The following PIP5K1B variants were observed in gnomAD, a reference collection of about 807,000 sequenced individuals.
PIP5K1B encodes phosphatidylinositol-4-phosphate 5-kinase type 1 beta, also known as phosphatidylinositol 4-phosphate 5-kinase type-1 beta.
Under a neutral mutation model 67.0 loss-of-function variants are expected in PIP5K1B, and 42 were observed. That is an observed-to-expected ratio of 0.63 (90% CI 0.49 to 0.81). The LOEUF (loss-of-function observed/expected upper bound fraction) is 0.81, where lower values mean the gene tolerates loss of function less well. PIP5K1B is among the 30% of genes least tolerant of loss of function. The pLI is 0.00. For synonymous variants in PIP5K1B, 214 were observed against 231.4 expected (o/e 0.92, Z 0.68); for missense variants, 459 against 646.3 (o/e 0.71, Z 3.14).
chr9:68,722,111 C>T (rs1032000625), intron 1 of PIP5K1B, among the ~76,000 whole-genome samples: 2 of 152,150 alleles, frequency 1.3e-5, no homozygotes, highest in Admixed American at 6.5e-5. Context: ...TTGTTCTCTG[C>T]TTATCTCTCC....
Position 68,962,616 on chromosome 9 carries a change from C to T in PIP5K1B, c.1502+21826C>T, listed in dbSNP as rs147514835. Among the ~76,000 whole-genome samples the T allele has an allele frequency of 1.1e-4, 17 of 152,258 alleles. 1 individual carries two copies. The highest frequency in any genetic ancestry group is 6.8e-3 in the Middle Eastern group (2 of 294). ...TTGATTTTAAGGGAGTCATTCAGTC[C>T]ATCTAGACTGAATTTGGAACTCAGA... is the stretch of plus-strand genomic sequence containing the variant. On this transcript the variant is annotated intron_variant, in intron 14 of 15. Coordinates refer to ENST00000265382, the MANE Select transcript of PIP5K1B (RefSeq NM_003558.4).
At chr9:68,721,201 A>G (rs1396418383) in intron 1 of PIP5K1B, among the ~76,000 whole-genome samples, 1 of 152,188 alleles carries the variant, frequency 6.6e-6, no homozygotes, top group Non-Finnish European at 1.5e-5. Context: ...TTGATGGAGA[A>G]GTGATGAGGT....
chr9:68,788,323 A>G lies in PIP5K1B; in HGVS notation c.-85-30138A>G. The G allele has an allele frequency of 7.2e-6, 6 of 837,664 alleles. No homozygotes were observed. In the South Asian group the frequency reaches 8.4e-5, roughly 12 times the overall value. 51.9% of individuals were successfully genotyped at this position (837,664 alleles called of 1,614,324 possible). Reference sequence around the variant, plus strand: ...ACTCTCCCTTCAGGTTCAAACTTGGAACTTTCTAGCTTTGGTCATGTATTT... The same window carrying G: ...ACTCTCCCTTCAGGTTCAAACTTGGGACTTTCTAGCTTTGGTCATGTATTT... On this transcript the variant is annotated intron_variant, in intron 2 of 15. Transcript: ENST00000265382.
At chr9:68,770,744 C>T (rs892792375) in intron 2 of PIP5K1B, among the ~76,000 whole-genome samples, 10 of 152,160 alleles carry the variant, frequency 6.6e-5, no homozygotes, top group African/African-American at 1.9e-4. Context: ...AGTAGAAGAT[C>T]CCCCTTCCAC....
At position 68,919,494 on chromosome 9, in the gene PIP5K1B, A is replaced by C. The variant is rs1490620066; in HGVS notation, c.999A>C (p.Pro333=). The change falls in exon 10 of 16, where the codon CCA becomes CCC. Residue 333 remains proline (P), a synonymous_variant. Coordinates refer to ENST00000265382, the MANE Select transcript of PIP5K1B (RefSeq NM_003558.4). ...TENPDTMGGI[P]AKSHRGEKLL... The stretch of plus-strand genomic sequence containing the variant: ...CCATCAACAGAATGGGAGGCATTCC[A>C]GCTAAAAGCCATAGGGGAGAAAAAC... The C allele has an allele frequency of 6.3e-7, 1 of 1,576,910 alleles. No individual in the cohort carries two copies. The highest frequency in any genetic ancestry group is 1.4e-5 in the African/African-American group (1 of 73,840).
At chr9:68,995,666 G>A (rs539028632) in intron 15 of PIP5K1B, among the ~76,000 whole-genome samples, 4 of 151,966 alleles carry the variant, frequency 2.6e-5, no homozygotes, top group East Asian at 3.9e-4. Context: ...TTAGCTAGGC[G>A]TGGTGGTGCA....
At chr9:68,952,768 T>C (rs917403302) in intron 14 of PIP5K1B, among the ~76,000 whole-genome samples, 2 of 152,144 alleles carry the variant, frequency 1.3e-5, no homozygotes, top group Admixed American at 6.5e-5. Flanking sequence ...TCTGATCTTC[T>C]GTAAATGGCT....
chr9:68,747,364 G>A (rs557600357), intron 2 of PIP5K1B, among the ~76,000 whole-genome samples: 8 of 151,600 alleles, frequency 5.3e-5, no homozygotes, highest in African/African-American at 1.9e-4. Context: ...CACCAATTTT[G>A]TTGGTTAGTT....
At chr9:68,926,536 T>G (rs1826710597) in intron 12 of PIP5K1B, among the ~76,000 whole-genome samples, 1 of 152,158 alleles carries the variant, frequency 6.6e-6, no homozygotes, top group African/African-American at 2.4e-5. Context: ...TTATTCACAG[T>G]TATGCAATCA....
At chr9:68,730,670 T>G (rs1828380136) in intron 1 of PIP5K1B, among the ~76,000 whole-genome samples, 1 of 152,166 alleles carries the variant, frequency 6.6e-6, no homozygotes, top group African/African-American at 2.4e-5. Context: ...CCAACAGAAG[T>G]CACTGTAGTG....
chr9:68,734,168 T>G lies in PIP5K1B; in HGVS notation c.-242-8333T>G, dbSNP rs139824456. Reference sequence around the variant, plus strand: ...TTGTTAAAAACTCAATGTTAAGTACTCAAATTCTTGCTAATATTTATTGGA... The same window carrying G: ...TTGTTAAAAACTCAATGTTAAGTACGCAAATTCTTGCTAATATTTATTGGA... On this transcript the variant is annotated intron_variant, in intron 1 of 15. Coordinates refer to ENST00000265382, the MANE Select transcript of PIP5K1B (RefSeq NM_003558.4). Among the ~76,000 whole-genome samples the G allele has an allele frequency of 2.5e-3, 374 of 152,338 alleles. 1 individual carries two copies. Among genetic ancestry groups the G allele is most frequent in the African/African-American group, 8.6e-3 (358 of 41,568 alleles).
intron 8 of PIP5K1B, among the ~76,000 whole-genome samples, chr9:68,901,489 TCTCAAATGATCCTCCTGC>T (rs1459015091): frequency 2.0e-5 from 3 of 152,032 alleles, no homozygotes; most frequent in East Asian, 3.9e-4. Flanking sequence ...GAACTCCTGA[TCTCAAATGATCCTCCTGC>T]CTCAGCCTCC....
At chr9:68,950,294 G>A (rs1827995813) in intron 14 of PIP5K1B, among the ~76,000 whole-genome samples, 1 of 152,144 alleles carries the variant, frequency 6.6e-6, no homozygotes, top group Non-Finnish European at 1.5e-5. Context: ...TGGTCCTTCT[G>A]AGCCTTGAGA....
chr9:68,761,902 T>A (rs1426184950), intron 2 of PIP5K1B, among the ~76,000 whole-genome samples: 1 of 152,126 alleles, frequency 6.6e-6, no homozygotes. Flanking sequence ...GATGTGGACA[T>A]CTTTTGGCAG....
Position 68,822,608 on chromosome 9 carries a change from C to G in PIP5K1B, c.1-7C>G. Reference sequence around the variant, plus strand: ...GAAGTTCAAAGGGCAGTGTGTTTCTCTTGTAGATGTCTTCTGCTGCTGAAA... The same window carrying G: ...GAAGTTCAAAGGGCAGTGTGTTTCTGTTGTAGATGTCTTCTGCTGCTGAAA... On this transcript the variant is annotated splice_polypyrimidine_tract_variant and splice_region_variant and intron_variant, in intron 3 of 15. Transcript: ENST00000265382. 1 of 1,607,604 alleles carries G rather than the reference C, an allele frequency of 6.2e-7. No homozygotes were observed.
At chr9:68,991,960 C>CA (rs926465815) in intron 15 of PIP5K1B, among the ~76,000 whole-genome samples, 7 of 149,078 alleles carry the variant, frequency 4.7e-5, no homozygotes, top group South Asian at 2.1e-4. Flanking sequence ...TATGCCTGCA[C>CA]AAAAAAAAAT....
chr9:68,781,833 C>CAT (rs1831304105), intron 2 of PIP5K1B: 1 of 166,682 alleles, frequency 6.0e-6, no homozygotes, highest in Non-Finnish European at 1.5e-5. Flanking sequence ...GCCCACTATA[C>CAT]ATAGGCTAAG....
At chr9:68,952,867 C>T (rs1050969342) in intron 14 of PIP5K1B, among the ~76,000 whole-genome samples, 7 of 150,712 alleles carry the variant, frequency 4.6e-5, no homozygotes, top group Non-Finnish European at 8.9e-5. Flanking sequence ...TTCTTTCTTT[C>T]TTCCTATTAT....
intron 6 of PIP5K1B, among the ~76,000 whole-genome samples, chr9:68,884,408 AGTC>A (rs948481892): frequency 6.6e-5 from 10 of 151,424 alleles, no homozygotes; most frequent in Admixed American, 5.9e-4. Flanking sequence ...TCACCCCTGT[AGTC>A]CCAGCACTTT....
Sources: allele counts gnomAD v4.1 joint callset (sites outside exome capture counted in the v4.1 genomes callset), GRCh38; gene constraint gnomAD v4.1.1; transcripts MANE v1.5; gene names NCBI Gene and HGNC (gene_info 2026-07-23, HGNC 2026-07-21).